The following OR4N2 variants were observed in gnomAD, a reference collection of about 807,000 sequenced individuals.
OR4N2 encodes the protein olfactory receptor 4N2.
For missense variants in OR4N2, 307 were observed against 377.6 expected, an observed-to-expected ratio of 0.81 and a Z score of 1.55; for synonymous variants, 141 against 140.4, an observed-to-expected ratio of 1.00 and a Z score of -0.03.
intron 1 of OR4N2, among the ~76,000 whole-genome samples, chr14:19,825,814 T>C (rs1329310664): frequency 1.3e-5 from 2 of 152,144 alleles, no homozygotes; most frequent in South Asian, 4.1e-4. Context: ...CACCTAGGCC[T>C]CCCAAAGTGC....
intron 1 of OR4N2, among the ~76,000 whole-genome samples, chr14:19,814,454 C>T (rs776034426): frequency 2.5e-4 from 38 of 152,164 alleles, no homozygotes; most frequent in Admixed American, 1.6e-3. Flanking sequence ...CATCCTGCTA[C>T]TGAGTAAGGT....
In OR4N2 at chr14:19,828,824, G is replaced by A. The variant is rs547239575; in HGVS notation, c.*452G>A. 1.1e-4 allele frequency: 18 copies of A among 165,604 alleles called. No homozygotes were observed. The South Asian group carries it at 2.6e-3, about 24-fold the overall frequency. 10.3% of individuals were successfully genotyped at this position (165,604 alleles called of 1,614,324 possible). On this transcript the variant is annotated 3_prime_UTR_variant, in exon 2 of 2. Coordinates refer to ENST00000557677, the MANE Select transcript of OR4N2 (RefSeq NM_001004723.3). The stretch of plus-strand genomic sequence containing the variant: ...AGTGCAAAAACTCAAAGATGATGAT[G>A]AACTTGGTATATTTGAAGAATACAA...
intron 1 of OR4N2, among the ~76,000 whole-genome samples, chr14:19,810,709 TAAAGTA>T (rs775731662): frequency 2.6e-5 from 4 of 152,216 alleles, no homozygotes; most frequent in Non-Finnish European, 5.9e-5. Context: ...TAATGAAATA[TAAAGTA>T]GACAAACATT....
At chr14:19,825,383 CTTGT>C (rs1879667888) in intron 1 of OR4N2, among the ~76,000 whole-genome samples, 1 of 152,200 alleles carries the variant, frequency 6.6e-6, no homozygotes, top group Admixed American at 6.5e-5. Context: ...TGTTTGTTTG[CTTGT>C]TTGTTTTGAT....
At chr14:19,807,183 GAA>G (rs201384928) in intron 1 of OR4N2, among the ~76,000 whole-genome samples, 14 of 143,282 alleles carry the variant, frequency 9.8e-5, no homozygotes, top group Admixed American at 1.4e-4. Context: ...AAAGGAACTA[GAA>G]AAAAAAAAAG....
At chr14:19,813,533 G>T (rs1416770611) in intron 1 of OR4N2, among the ~76,000 whole-genome samples, 1 of 152,210 alleles carries the variant, frequency 6.6e-6, no homozygotes, top group African/African-American at 2.4e-5. Context: ...GGTATTTATG[G>T]ACCTTAAAGT....
Position 19,827,804 on chromosome 14 carries a change from C to T in OR4N2, c.356C>T (p.Ala119Val), listed in dbSNP as rs1350071379. ...GAGGGATTACTCCTTGTTGTGATGG[C>T]CTTTGACCGCTACATCGCCATCTGC... ...GGEGLLLVVM[A>V]FDRYIAICRP... The change falls in exon 2 of 2, where the codon GCC becomes GTC. Residue 119 changes from alanine (A) to valine (V), a missense_variant. Coordinates refer to ENST00000557677, the MANE Select transcript of OR4N2 (RefSeq NM_001004723.3). The T allele has an allele frequency of 6.2e-7, 1 of 1,614,216 alleles. No homozygotes were observed. The highest frequency in any genetic ancestry group is 8.5e-7 in the Non-Finnish European group (1 of 1,180,028).
intron 1 of OR4N2, among the ~76,000 whole-genome samples, chr14:19,817,953 G>A (rs1425629062): frequency 2.6e-5 from 4 of 152,252 alleles, no homozygotes; most frequent in Middle Eastern, 3.2e-3. Context: ...TTACCCAGTA[G>A]TCATTCAGGA....
intron 1 of OR4N2, among the ~76,000 whole-genome samples, chr14:19,813,062 A>C (rs1020137049): frequency 2.6e-5 from 4 of 152,246 alleles, no homozygotes; most frequent in African/African-American, 9.6e-5. Context: ...ACTATTTTAG[A>C]TCTTCAGATT....
At chr14:19,808,695 C>T (rs1879224453) in intron 1 of OR4N2, among the ~76,000 whole-genome samples, 1 of 152,142 alleles carries the variant, frequency 6.6e-6, no homozygotes, top group Non-Finnish European at 1.5e-5. Flanking sequence ...CTACCAACAC[C>T]ATTCTTCTCA....
intron 1 of OR4N2, among the ~76,000 whole-genome samples, chr14:19,813,050 G>A (rs1879340749): frequency 6.6e-6 from 1 of 152,156 alleles, no homozygotes; most frequent in Non-Finnish European, 1.5e-5. Flanking sequence ...TCCATTTTGA[G>A]GACTATTTTA....
chr14:19,812,246 G>GA (rs1566463605), intron 1 of OR4N2, among the ~76,000 whole-genome samples: 1 of 150,192 alleles, frequency 6.7e-6, no homozygotes, highest in African/African-American at 2.4e-5. Flanking sequence ...TCATGCCATA[G>GA]AAGTAAAAAA....
intron 1 of OR4N2, among the ~76,000 whole-genome samples, chr14:19,815,420 C>A (rs1330216217): frequency 6.6e-6 from 1 of 152,164 alleles, no homozygotes. Context: ...CTCTAATGAC[C>A]AGTGATGATG....
intron 1 of OR4N2, among the ~76,000 whole-genome samples, chr14:19,814,306 C>A (rs1387829659): frequency 1.3e-5 from 2 of 152,214 alleles, no homozygotes; most frequent in Non-Finnish European, 2.9e-5. Flanking sequence ...TGCATCTTTT[C>A]ATGCTATGTA....
At chr14:19,808,556 G>C (rs564977181) in intron 1 of OR4N2, among the ~76,000 whole-genome samples, 8 of 152,260 alleles carry the variant, frequency 5.3e-5, no homozygotes, top group Non-Finnish European at 1.0e-4. Flanking sequence ...GCAAAACACT[G>C]CTGACAGAAA....
chr14:19,808,438 A>G (rs1879218814), intron 1 of OR4N2, among the ~76,000 whole-genome samples: 1 of 152,208 alleles, frequency 6.6e-6, no homozygotes, highest in Non-Finnish European at 1.5e-5. Context: ...TACATCAATA[A>G]TGTCCAGGCT....
chr14:19,816,176 A>T (rs1225263920), intron 1 of OR4N2, among the ~76,000 whole-genome samples: 1 of 137,414 alleles, frequency 7.3e-6, no homozygotes. Context: ...TGTCTTGGCT[A>T]TACAGGCTCT....
intron 1 of OR4N2, among the ~76,000 whole-genome samples, chr14:19,824,301 T>C (rs1485628596): frequency 2.0e-5 from 3 of 152,210 alleles, no homozygotes; most frequent in Non-Finnish European, 4.4e-5. Flanking sequence ...AATTGAAAGA[T>C]GGAAATGGGA....
chr14:19,803,961 T>G (rs1376394729), intron 1 of OR4N2, 117 bp downstream of exon 1: 1 of 152,262 alleles, frequency 6.6e-6, no homozygotes, highest in Non-Finnish European at 1.5e-5. Context: ...ATTTATTAAT[T>G]TCTTCTAGTT....
Sources: gnomAD v4.1 joint callset for allele counts (sites outside exome capture counted in the v4.1 genomes callset) on GRCh38, gnomAD v4.1.1 for gene constraint, MANE v1.5 for transcripts, NCBI Gene and HGNC (gene_info 2026-07-23, HGNC 2026-07-21) for gene names.